The following DNAJB1 variants were observed in gnomAD, a reference collection of about 807,000 sequenced individuals.
DNAJB1 encodes dnaJ homolog subfamily B member 1.
DNAJB1 carries 14 observed loss-of-function variants against 24.0 expected under a neutral mutation model. The observed-to-expected ratio is 0.58, with a 90% CI of 0.39 to 0.91. The LOEUF is 0.91. Ranked by LOEUF, DNAJB1 falls within the 40% of genes least tolerant of loss-of-function variation. The pLI, the probability that DNAJB1 is intolerant of heterozygous loss-of-function variation, is 0.00. For synonymous variants in DNAJB1, 262 were observed against 174.4 expected (o/e 1.50, Z -3.96); for missense variants, 517 against 458.1 (o/e 1.13, Z -1.17).
At chr19:14,521,198 C>A (rs2072355660), upstream of DNAJB1, among the ~76,000 whole-genome samples, 1 of 152,096 alleles carries the variant, frequency 6.6e-6, no homozygotes, top group Admixed American at 6.6e-5. Flanking sequence ...TGACTCAACG[C>A]CTATAATCCC....
intron 1 of DNAJB1, among the ~76,000 whole-genome samples, chr19:14,541,783 ATTT>A (rs113623037): frequency 7.4e-6 from 1 of 134,422 alleles, no homozygotes; most frequent in African/African-American, 2.7e-5. Context: ...ACTTCTTTTC[ATTT>A]TTTTTTTTTT....
intron 1 of DNAJB1, among the ~76,000 whole-genome samples, chr19:14,540,304 G>A (rs1433129946): frequency 1.3e-5 from 2 of 151,876 alleles, no homozygotes; most frequent in South Asian, 2.1e-4. Context: ...TCCTGACCTC[G>A]TGATCCACCC....
chr19:14,552,760 TCTC>T (rs2073578035), upstream of DNAJB1, among the ~76,000 whole-genome samples: 1 of 151,902 alleles, frequency 6.6e-6, no homozygotes, highest in African/African-American at 2.4e-5. Flanking sequence ...ATGGTCTTGA[TCTC>T]CTGACCTCGT....
chr19:14,530,743 G>T (rs2072612074), upstream of DNAJB1: 1 of 152,142 alleles, frequency 6.6e-6, no homozygotes, highest in Non-Finnish European at 1.5e-5. Context: ...GCGATTTCTT[G>T]TTTCTCACTT....
intron 1 of DNAJB1, among the ~76,000 whole-genome samples, chr19:14,535,574 A>ATACGTATATATATATATACG (rs2072863613): frequency 2.7e-5 from 1 of 36,430 alleles, no homozygotes; most frequent in African/African-American, 8.5e-5. Context: ...ATATATATAT[A>ATACGTATATATATATATACG]TATATATATA....
At chr19:14,540,528 A>G (rs112705555) in intron 1 of DNAJB1, among the ~76,000 whole-genome samples, 43,788 of 151,856 alleles carry the variant, frequency 0.29, 7,637 homozygotes, top group Non-Finnish European at 0.4. Flanking sequence ...AGTAGCTGGG[A>G]TTACTGGTGC....
chr19:14,543,526 T>C (rs62125088), intron 1 of DNAJB1, among the ~76,000 whole-genome samples: 1 of 131,264 alleles, frequency 7.6e-6, no homozygotes, highest in Non-Finnish European at 1.6e-5. Context: ...GCAAGCTCCG[T>C]CTCCCGGGTT....
At chr19:14,553,903 C>T (rs1027766268), upstream of DNAJB1, among the ~76,000 whole-genome samples, 4 of 152,148 alleles carry the variant, frequency 2.6e-5, no homozygotes, top group African/African-American at 9.6e-5. Context: ...TTACCTGGGG[C>T]CCTGGTTGCA....
At chr19:14,521,311 T>C (rs1325115223), upstream of DNAJB1, among the ~76,000 whole-genome samples, 3 of 151,744 alleles carry the variant, frequency 2.0e-5, no homozygotes, top group African/African-American at 4.8e-5. Flanking sequence ...ATACAAAAAT[T>C]AGTCGGGTGC....
At chr19:14,544,474 T>C (rs944924478) in intron 1 of DNAJB1, among the ~76,000 whole-genome samples, 1 of 152,012 alleles carries the variant, frequency 6.6e-6, no homozygotes, top group African/African-American at 2.4e-5. Context: ...AGGACGAGGA[T>C]GCTTGCATGA....
upstream of DNAJB1, among the ~76,000 whole-genome samples, chr19:14,521,196 C>A (rs772241406): frequency 1.3e-5 from 2 of 152,226 alleles, no homozygotes; most frequent in East Asian, 3.9e-4. Flanking sequence ...GGTGACTCAA[C>A]GCCTATAATC....
At chr19:14,536,086 G>A (rs890059434) in intron 1 of DNAJB1, among the ~76,000 whole-genome samples, 9 of 152,056 alleles carry the variant, frequency 5.9e-5, no homozygotes, top group Admixed American at 2.6e-4. Flanking sequence ...CTGAGACCCA[G>A]AGAACAAGGC....
At chr19:14,536,968 CGAGGAGGGGGCGGGGCCGAGGAGGAG>C (rs947880511) in intron 1 of DNAJB1, among the ~76,000 whole-genome samples, 1 of 49,580 alleles carries the variant, frequency 2.0e-5, no homozygotes, top group Non-Finnish European at 3.8e-5. Flanking sequence ...GAGGAGGGGC[CGAGGAGGGGGCGGGGCCGAGGAGGAG>C]GAGGTGGGGC....
Position 14,515,864 on chromosome 19 carries a change from C to T in DNAJB1, c.*76G>A. 7.0e-7 allele frequency: 1 copy of T among 1,431,716 alleles called. No homozygotes were observed. Among genetic ancestry groups the T allele is most frequent in the Non-Finnish European group, 9.7e-7 (1 of 1,036,140 alleles). 88.7% of individuals were successfully genotyped at this position (1,431,716 alleles called of 1,614,324 possible). ...CTGGGCCCTCCCACCCTCTCATGGT[C>T]CACAACTGGTAGAAAGGTCCAGAAA... On this transcript the variant is annotated 3_prime_UTR_variant, in exon 3 of 3. Transcript: ENST00000254322.
chr19:14,549,778 A>G (rs2073430377), intron 1 of DNAJB1, among the ~76,000 whole-genome samples: 1 of 151,910 alleles, frequency 6.6e-6, no homozygotes, highest in South Asian at 2.1e-4. Context: ...CCCCATCTCT[A>G]CTAAAAATAC....
intron 1 of DNAJB1, 85 bp downstream of exon 1, chr19:14,518,054 C>A (rs527403371): frequency 7.5e-7 from 1 of 1,330,468 alleles, no homozygotes; most frequent in East Asian, 3.1e-5. Context: ...GCGTCCTTCC[C>A]GGGGGGCCGC....
At chr19:14,541,273 G>C (rs967820714) in intron 1 of DNAJB1, among the ~76,000 whole-genome samples, 1 of 152,196 alleles carries the variant, frequency 6.6e-6, no homozygotes, top group Non-Finnish European at 1.5e-5. Flanking sequence ...CACCGTGCCT[G>C]GCTGGCAACT....
chr19:14,515,051 C>T lies in DNAJB1; in HGVS notation c.*889G>A, dbSNP rs191218856. 2.6e-5 allele frequency: 4 copies of T among 152,660 alleles called. No homozygotes were observed. The highest frequency in any genetic ancestry group is 1.3e-4 in the Admixed American group (2 of 15,282). 9.5% of individuals were successfully genotyped at this position (152,660 alleles called of 1,614,324 possible). On this transcript the variant is annotated 3_prime_UTR_variant, in exon 3 of 3. Transcript: ENST00000254322. ...ATATTTACAGACGTTCCACAGTGCTCCTGTAATCAGAAGCAAAGACCCTTT... is the reference window on the plus strand; with the variant it reads ...ATATTTACAGACGTTCCACAGTGCTTCTGTAATCAGAAGCAAAGACCCTTT...
upstream of DNAJB1, among the ~76,000 whole-genome samples, chr19:14,560,356 C>T (rs1327490483): frequency 6.6e-6 from 1 of 152,198 alleles, no homozygotes; most frequent in Admixed American, 6.5e-5. Flanking sequence ...GGCTGCCTTC[C>T]TACAGGCCAC....
Sources: gnomAD v4.1 joint callset for allele counts (sites outside exome capture counted in the v4.1 genomes callset) on GRCh38, gnomAD v4.1.1 for gene constraint, MANE v1.5 for transcripts, NCBI Gene and HGNC (gene_info 2026-07-23, HGNC 2026-07-21) for gene names.